The following CENPQ variants were observed in gnomAD, a reference collection of about 807,000 sequenced individuals.
CENPQ encodes the protein centromere protein Q.
CENPQ carries 27 observed loss-of-function variants against 36.6 expected under a neutral mutation model. The observed-to-expected ratio is 0.74, with a 90% CI of 0.54 to 1.02. CENPQ has a LOEUF of 1.02. Ranked by LOEUF, CENPQ falls within the 50% of genes least tolerant of loss-of-function variation. CENPQ has a pLI of 0.00. For synonymous variants in CENPQ, 101 were observed against 101.7 expected (o/e 0.99, Z 0.04); for missense variants, 306 against 301.8 (o/e 1.01, Z -0.10).
chr6:49,467,361 A>G (rs1472116200), intron 1 of CENPQ, among the ~76,000 whole-genome samples: 2 of 152,224 alleles, frequency 1.3e-5, no homozygotes, highest in African/African-American at 2.4e-5. Context: ...TGTGTCAACA[A>G]TTACAGCAAA....
rs377117462 is a variant in CENPQ, at chr6:49,492,238, T to G, written c.770T>G (p.Phe257Cys). ...NSSQMKSMSTFIEEAYKKLDA... is the reference protein window; with the variant it reads ...NSSQMKSMSTCIEEAYKKLDA... ...TCACAGATGAAGAGCATGTCAACCT[T>G]CATTGAAGAAGCCTATAAGAAACTG... Residue 257 changes from phenylalanine to cysteine, a missense_variant, in exon 9 of 9, where the codon TTC (phenylalanine) becomes TGC (cysteine). Transcript: ENST00000335783. 5 of 1,606,400 alleles carry G rather than the reference T, an allele frequency of 3.1e-6. No individual in the cohort carries two copies. The highest frequency in any genetic ancestry group is 8.5e-7 in the Non-Finnish European group (1 of 1,177,276).
intron 1 of CENPQ, among the ~76,000 whole-genome samples, chr6:49,466,663 G>T (rs371763080): frequency 5.9e-5 from 9 of 152,270 alleles, no homozygotes; most frequent in African/African-American, 2.2e-4. Context: ...TGCACTGTGA[G>T]TAGCCCAGAA....
At chr6:49,467,680 C>T (rs926957957) in intron 1 of CENPQ, among the ~76,000 whole-genome samples, 12 of 151,946 alleles carry the variant, frequency 7.9e-5, no homozygotes, top group African/African-American at 2.7e-4. Flanking sequence ...TGGAGTAGCG[C>T]TAAATTACAT....
chr6:49,465,741 A>G (rs948811105), intron 1 of CENPQ, among the ~76,000 whole-genome samples: 4 of 152,208 alleles, frequency 2.6e-5, no homozygotes, highest in Non-Finnish European at 5.9e-5. Flanking sequence ...AAGTGAGTTA[A>G]GACCTTGCCA....
chr6:49,488,759 A>G (rs1177471902), intron 8 of CENPQ, 75 bp downstream of exon 8: 1 of 1,165,862 alleles, frequency 8.6e-7, no homozygotes, highest in African/African-American at 1.5e-5. Context: ...ACCACAGCAA[A>G]AAAGCAAATA....
intron 1 of CENPQ, among the ~76,000 whole-genome samples, chr6:49,468,077 T>G (rs1366704507): frequency 6.6e-6 from 1 of 152,124 alleles, no homozygotes; most frequent in Non-Finnish European, 1.5e-5. Context: ...GGGGTAAATT[T>G]TTTACTCAAT....
chr6:49,474,695 C>T (rs1288275475), intron 5 of CENPQ, among the ~76,000 whole-genome samples: 2 of 152,058 alleles, frequency 1.3e-5, no homozygotes, highest in Non-Finnish European at 1.5e-5. Flanking sequence ...ACACAAAAAA[C>T]CCTTCAAAAA....
intron 2 of CENPQ, 111 bp downstream of exon 2, chr6:49,470,389 G>A (rs1581844170): frequency 1.8e-6 from 1 of 560,086 alleles, no homozygotes; most frequent in Non-Finnish European, 3.1e-6. Context: ...GGATCACGAG[G>A]TCAGGAGATC....
chr6:49,484,211 A>T (rs995280491), intron 6 of CENPQ, among the ~76,000 whole-genome samples: 1 of 152,224 alleles, frequency 6.6e-6, no homozygotes, highest in Non-Finnish European at 1.5e-5. Flanking sequence ...AATCCTCACA[A>T]TGACTTAGAG....
intron 5 of CENPQ, among the ~76,000 whole-genome samples, chr6:49,475,632 T>C (rs533339779): frequency 1.7e-4 from 26 of 152,288 alleles, no homozygotes; most frequent in African/African-American, 6.3e-4. Context: ...GGAAGTCAAA[T>C]TGTCCCTGTT....
rs558101920 is a variant in CENPQ, at chr6:49,489,228, G to C, written c.675+544G>C. Among the ~76,000 whole-genome samples the C allele has an allele frequency of 3.3e-5, 5 of 152,242 alleles. No individual in the cohort carries two copies. The South Asian group carries it at 1.0e-3, about 32-fold the overall frequency. On this transcript the variant is annotated intron_variant, in intron 8 of 8. Coordinates refer to ENST00000335783, the MANE Select transcript of CENPQ (RefSeq NM_018132.4). Reference sequence around the variant, plus strand: ...TCACAGCTTTGTCAGCTAAGTTTTTGTCATATACTATATCCTTCATTGATA... The same window carrying C: ...TCACAGCTTTGTCAGCTAAGTTTTTCTCATATACTATATCCTTCATTGATA...
At chr6:49,466,760 A>T (rs892756480) in intron 1 of CENPQ, among the ~76,000 whole-genome samples, 2 of 152,036 alleles carry the variant, frequency 1.3e-5, no homozygotes, top group African/African-American at 4.8e-5. Context: ...TTGTTACATC[A>T]TTTTTGCTTT....
chr6:49,477,923 G>T (rs973875433), intron 5 of CENPQ, among the ~76,000 whole-genome samples: 3 of 152,270 alleles, frequency 2.0e-5, no homozygotes, highest in Non-Finnish European at 4.4e-5. Flanking sequence ...AAATACTAAT[G>T]TTTAGTTTAT....
At chr6:49,481,208 A>C (rs982015373) in intron 6 of CENPQ, 128 bp downstream of exon 6, 1 of 815,486 alleles carries the variant, frequency 1.2e-6, no homozygotes, top group African/African-American at 1.8e-5. Context: ...TTTTTCATTA[A>C]ATTGTTTTTT....
chr6:49,472,272 T>C lies in CENPQ; in HGVS notation c.278+89T>C, dbSNP rs565783187. ...ATTCTTTTAAATATTGCTATCTATT[T>C]TAAGGTAATAGAGTATATTTCTATT... is the stretch of plus-strand genomic sequence containing the variant. On this transcript the variant is annotated intron_variant, in intron 4 of 8. Transcript: ENST00000335783. 485 of 1,072,970 alleles carry C rather than the reference T, an allele frequency of 4.5e-4. 2 individuals carry two copies. Among genetic ancestry groups the C allele is most frequent in the Non-Finnish European group, 5.7e-4 (439 of 775,672 alleles). 66.5% of individuals were successfully genotyped at this position (1,072,970 alleles called of 1,614,324 possible). A position where few individuals can be genotyped will look rare whatever the true frequency, so the allele number is the denominator to read the frequency against.
At chr6:49,474,175 A>G (rs183596745) in intron 5 of CENPQ, among the ~76,000 whole-genome samples, 36 of 152,334 alleles carry the variant, frequency 2.4e-4, no homozygotes, top group South Asian at 1.0e-3. Flanking sequence ...GACCTAATAG[A>G]CATCTAAAGA....
intron 1 of CENPQ, among the ~76,000 whole-genome samples, chr6:49,465,639 A>T (rs1322503115): frequency 6.6e-6 from 1 of 152,250 alleles, no homozygotes; most frequent in African/African-American, 2.4e-5. Flanking sequence ...TTATGCAGAT[A>T]GCTTACTTCC....
intron 5 of CENPQ, among the ~76,000 whole-genome samples, chr6:49,475,886 C>T (rs1260022582): frequency 7.7e-6 from 1 of 130,368 alleles, no homozygotes; most frequent in East Asian, 2.1e-4. Context: ...AGGACCTCTT[C>T]AAGGAGAACT....
intron 5 of CENPQ, among the ~76,000 whole-genome samples, chr6:49,479,097 A>G (rs939026834): frequency 6.6e-6 from 1 of 152,190 alleles, no homozygotes; most frequent in Non-Finnish European, 1.5e-5. Flanking sequence ...TTGTGTTTAA[A>G]TGTGATAGCC....
Sources: gnomAD v4.1 joint callset for allele counts (sites outside exome capture counted in the v4.1 genomes callset) on GRCh38, gnomAD v4.1.1 for gene constraint, MANE v1.5 for transcripts, NCBI Gene and HGNC (gene_info 2026-07-23, HGNC 2026-07-21) for gene names.